CCDC85C: variants seen among roughly 807,000 people sequenced by gnomAD.
The protein encoded by CCDC85C is coiled-coil domain containing 85C.
Under a neutral mutation model 38.3 loss-of-function variants are expected in CCDC85C, and 18 were observed. That is an observed-to-expected ratio of 0.47 (90% CI 0.33 to 0.70). The LOEUF (loss-of-function observed/expected upper bound fraction) is 0.70, where lower values mean the gene tolerates loss of function less well. CCDC85C is among the 30% of genes least tolerant of loss of function. The pLI is 0.03. For synonymous variants in CCDC85C, 264 were observed against 293.8 expected (o/e 0.90, Z 1.04); for missense variants, 566 against 621.2 (o/e 0.91, Z 0.94).
chr14:99,526,730 G>A (rs1013418899), intron 2 of CCDC85C, among the ~76,000 whole-genome samples: 9 of 152,234 alleles, frequency 5.9e-5, no homozygotes, highest in Non-Finnish European at 7.3e-5. Context: ...TCTGGGTGCC[G>A]AGTAATAAAC....
chr14:99,547,877 T>G (rs192574456), intron 1 of CCDC85C, among the ~76,000 whole-genome samples: 183 of 152,044 alleles, frequency 1.2e-3, no homozygotes, highest in African/African-American at 4.3e-3. Context: ...CACATATATA[T>G]ACATATATAC....
chr14:99,526,237 G>A lies in CCDC85C; in HGVS notation c.868-3997C>T, dbSNP rs142088536. ...CGCAGCTGAAGAGCTTGAAGGTGCCGTCTGCAGGGAGGGGCCTACATCCAC... is the reference window on the plus strand; with the variant it reads ...CGCAGCTGAAGAGCTTGAAGGTGCCATCTGCAGGGAGGGGCCTACATCCAC... On this transcript the variant is annotated intron_variant, in intron 2 of 5. Coordinates refer to ENST00000380243, the MANE Select transcript of CCDC85C (RefSeq NM_001144995.2). Among the ~76,000 whole-genome samples, 39 of 152,196 alleles carry A rather than the reference G, an allele frequency of 2.6e-4. 1 individual carries two copies. The highest frequency in any genetic ancestry group is 1.9e-4 in the East Asian group (1 of 5,194).
intron 1 of CCDC85C, among the ~76,000 whole-genome samples, chr14:99,565,358 C>G (rs1898195317): frequency 6.6e-6 from 1 of 152,184 alleles, no homozygotes; most frequent in Admixed American, 6.5e-5. Context: ...TGGGTTGGCA[C>G]CCCCTGGCAT....
chr14:99,503,003 G>T lies in CCDC85C; in HGVS notation c.*12243C>A, dbSNP rs377647054. On this transcript the variant is annotated 3_prime_UTR_variant, in exon 6 of 6. Transcript: ENST00000380243. ...AGCCGTGGTGAGTGGGCTAAAGCAG[G>T]CCCTGGGTAGAGCAGGCTTTCCAGG... 1.1e-5 allele frequency: 18 copies of T among 1,613,690 alleles called. No homozygotes were observed. The Admixed American group carries it at 1.8e-4, about 16-fold the overall frequency.
chr14:99,547,739 A>C (rs1384248636), intron 1 of CCDC85C, among the ~76,000 whole-genome samples: 1 of 151,484 alleles, frequency 6.6e-6, no homozygotes, highest in East Asian at 1.9e-4. Flanking sequence ...GCGCCACTGC[A>C]CTCCAGCCTG....
intron 1 of CCDC85C, among the ~76,000 whole-genome samples, chr14:99,549,485 C>A (rs555357612): frequency 6.6e-6 from 1 of 152,322 alleles, no homozygotes; most frequent in East Asian, 1.9e-4. Context: ...CACACAGAGG[C>A]CAGAGCAGGC....
At chr14:99,574,948 C>A (rs898822655) in intron 1 of CCDC85C, among the ~76,000 whole-genome samples, 3 of 152,204 alleles carry the variant, frequency 2.0e-5, no homozygotes, top group Non-Finnish European at 2.9e-5. Context: ...GGGTTGCACC[C>A]ACAGACCCTG....
At chr14:99,563,833 C>T (rs1181664679) in intron 1 of CCDC85C, among the ~76,000 whole-genome samples, 2 of 152,234 alleles carry the variant, frequency 1.3e-5, no homozygotes, top group Non-Finnish European at 2.9e-5. Context: ...TGGGCACGAG[C>T]CAGATGGGCT....
At chr14:99,515,511 GCTAA>G (rs1241021693) in intron 5 of CCDC85C, among the ~76,000 whole-genome samples, 176 bp from the exon 6 acceptor site, 18 of 152,318 alleles carry the variant, frequency 1.2e-4, no homozygotes, top group African/African-American at 2.6e-4. Context: ...TGCATGCCGC[GCTAA>G]CTATCGGGCC....
intron 1 of CCDC85C, among the ~76,000 whole-genome samples, chr14:99,538,881 C>T (rs1897658060): frequency 6.6e-6 from 1 of 152,152 alleles, no homozygotes; most frequent in Non-Finnish European, 1.5e-5. Flanking sequence ...GCCAGCAATG[C>T]CCTGCCTGCC....
At chr14:99,568,250 ATTT>A (rs3070390) in intron 1 of CCDC85C, among the ~76,000 whole-genome samples, 16 of 126,940 alleles carry the variant, frequency 1.3e-4, no homozygotes, top group African/African-American at 3.6e-4. Context: ...CCTGCCCTTT[ATTT>A]TTTTTTTTTT....
At position 99,604,096 on chromosome 14, in the gene CCDC85C, C is replaced by T. The variant is rs1178471733; in HGVS notation, c.-137G>A. ...GCGGCCCGCCCCGCGCCGCCTGGCG[C>T]GTCCTCTCGCCGCGCCCGCCGGGGC... On this transcript the variant is annotated 5_prime_UTR_variant, in exon 1 of 6. Coordinates refer to ENST00000380243, the MANE Select transcript of CCDC85C (RefSeq NM_001144995.2). The T allele has an allele frequency of 2.3e-6, 2 of 881,830 alleles. No homozygotes were observed. The highest frequency in any genetic ancestry group is 3.7e-5 in the African/African-American group (2 of 54,338). The allele number at this position is 881,830 out of a possible 1,614,324, so 54.6% of individuals were successfully genotyped here.
At chr14:99,584,334 A>C (rs1190358755) in intron 1 of CCDC85C, among the ~76,000 whole-genome samples, 1 of 152,202 alleles carries the variant, frequency 6.6e-6, no homozygotes, top group African/African-American at 2.4e-5. Flanking sequence ...CACCAGCGAT[A>C]AATCACGTGG....
At chr14:99,562,217 A>G (rs1229114853) in intron 1 of CCDC85C, among the ~76,000 whole-genome samples, 1 of 152,128 alleles carries the variant, frequency 6.6e-6, no homozygotes, top group Admixed American at 6.5e-5. Flanking sequence ...CCCCGGGCCT[A>G]TGCAAACCCC....
Position 99,604,015 on chromosome 14 carries a change from C to A in CCDC85C, c.-56G>T, listed in dbSNP as rs1359367058. ...CCCTCGCCCGGCCGGCGCTTCCCCGCGCCGGGGCTCCGCTGGGCCGGTCCG... is the reference window on the plus strand; with the variant it reads ...CCCTCGCCCGGCCGGCGCTTCCCCGAGCCGGGGCTCCGCTGGGCCGGTCCG... On this transcript the variant is annotated 5_prime_UTR_variant, in exon 1 of 6. Coordinates refer to ENST00000380243, the MANE Select transcript of CCDC85C (RefSeq NM_001144995.2). The A allele has an allele frequency of 1.8e-5, 21 of 1,138,960 alleles. No homozygotes were observed. The highest frequency in any genetic ancestry group is 2.2e-5 in the Non-Finnish European group (20 of 930,186). 70.6% of individuals were successfully genotyped at this position (1,138,960 alleles called of 1,614,324 possible).
chr14:99,575,030 C>T (rs1168425016), intron 1 of CCDC85C, among the ~76,000 whole-genome samples: 2 of 152,300 alleles, frequency 1.3e-5, no homozygotes, highest in East Asian at 1.9e-4. Flanking sequence ...CCTGGAGGGT[C>T]GAGACTGCAG....
chr14:99,557,071 G>A (rs1898025842), intron 1 of CCDC85C, among the ~76,000 whole-genome samples: 2 of 152,168 alleles, frequency 1.3e-5, no homozygotes, highest in Non-Finnish European at 2.9e-5. Flanking sequence ...TCCATTTATA[G>A]AACCACGTGG....
intron 1 of CCDC85C, among the ~76,000 whole-genome samples, chr14:99,585,517 G>A (rs1468955440): frequency 6.6e-6 from 1 of 152,206 alleles, no homozygotes; most frequent in Admixed American, 6.5e-5. Flanking sequence ...TCTTTGCCCT[G>A]CAAGGGTCAA....
chr14:99,547,055 T>A (rs1014227275), intron 1 of CCDC85C, among the ~76,000 whole-genome samples: 1 of 151,986 alleles, frequency 6.6e-6, no homozygotes, highest in Non-Finnish European at 1.5e-5. Context: ...GCCATGGTGG[T>A]ACATGCTTGT....
Sources: allele counts gnomAD v4.1 joint callset (sites outside exome capture counted in the v4.1 genomes callset), GRCh38; gene constraint gnomAD v4.1.1; transcripts MANE v1.5; gene names NCBI Gene and HGNC (gene_info 2026-07-23, HGNC 2026-07-21).